The following SLC35F1 variants were observed in gnomAD, a reference collection of about 807,000 sequenced individuals.
SLC35F1 encodes the protein solute carrier family 35 member F1, also known as chromosome 6 open reading frame 169.
Under a neutral mutation model 48.7 loss-of-function variants are expected in SLC35F1, and 14 were observed. The observed-to-expected ratio is 0.29, with a 90% CI of 0.19 to 0.45. The LOEUF (loss-of-function observed/expected upper bound fraction) is 0.45, where lower values mean the gene tolerates loss of function less well. SLC35F1 is among the 20% of genes least tolerant of loss of function. The probability of loss-of-function intolerance (pLI) is 1.00; values close to 1 mark genes in which losing one functional copy is unlikely to be tolerated. For missense variants in SLC35F1, 404 were observed against 500.0 expected (o/e 0.81, Z 1.83); for synonymous variants, 190 against 202.2 (o/e 0.94, Z 0.51).
chr6:117,920,306 C>T (rs1303494757), intron 1 of SLC35F1, among the ~76,000 whole-genome samples: 3 of 152,132 alleles, frequency 2.0e-5, no homozygotes, highest in Non-Finnish European at 4.4e-5. Context: ...GAGGACCGGA[C>T]GGGGGCGAGT....
At chr6:117,932,693 T>C (rs1041722112) in intron 1 of SLC35F1, among the ~76,000 whole-genome samples, 2 of 152,198 alleles carry the variant, frequency 1.3e-5, no homozygotes, top group Non-Finnish European at 2.9e-5. Context: ...AAGGATGATA[T>C]GAAGTTTTCA....
At chr6:118,139,500 A>G (rs1268686052) in intron 1 of SLC35F1, among the ~76,000 whole-genome samples, 1 of 152,174 alleles carries the variant, frequency 6.6e-6, no homozygotes, top group Non-Finnish European at 1.5e-5. Flanking sequence ...CAGAACTGGG[A>G]TACAATCTGT....
chr6:118,090,637 A>G (rs1773059557), intron 1 of SLC35F1, among the ~76,000 whole-genome samples: 2 of 152,128 alleles, frequency 1.3e-5, no homozygotes, highest in Non-Finnish European at 2.9e-5. Flanking sequence ...AAGCCTGGTG[A>G]GGGAGGAGAG....
chr6:118,078,357 C>G (rs1190855604), intron 1 of SLC35F1, among the ~76,000 whole-genome samples: 1 of 151,990 alleles, frequency 6.6e-6, no homozygotes, highest in Non-Finnish European at 1.5e-5. Flanking sequence ...GGCAAATTTA[C>G]CTGTTCTGTT....
chr6:118,040,591 C>A (rs1377494124), intron 1 of SLC35F1, among the ~76,000 whole-genome samples: 2 of 152,004 alleles, frequency 1.3e-5, no homozygotes, highest in Non-Finnish European at 2.9e-5. Context: ...ACAGTGTTTC[C>A]ATAGTCAAAT....
chr6:117,933,002 C>T (rs1005973015), intron 1 of SLC35F1, among the ~76,000 whole-genome samples: 1 of 152,182 alleles, frequency 6.6e-6, no homozygotes, highest in African/African-American at 2.4e-5. Context: ...TAAGGATAAG[C>T]TCACAACTTG....
rs1554219354 is a variant in SLC35F1 at position 117,966,136 on chromosome 6, C to CG, written c.173+58237_173+58238insG. 1.9e-4 allele frequency among the ~76,000 whole-genome samples: 27 copies of CG among 141,042 alleles called. 2 individuals carry two copies. The highest frequency in any genetic ancestry group is 6.3e-4 in the African/African-American group (24 of 37,800). The allele number at this position is 141,042 out of a possible 152,430, so 92.5% of individuals were successfully genotyped here. ...GGGAATAAAAGCAGGCCACCGCCCC[C>CG]CCCCCCACTCCCGCCCCGCCCCAAG... On this transcript the variant is annotated intron_variant, in intron 1 of 7. Coordinates refer to ENST00000360388, the MANE Select transcript of SLC35F1 (RefSeq NM_001029858.4).
At chr6:118,290,323 T>C (rs1776105317) in intron 7 of SLC35F1, among the ~76,000 whole-genome samples, 1 of 152,084 alleles carries the variant, frequency 6.6e-6, no homozygotes, top group Non-Finnish European at 1.5e-5. Context: ...ACAAGAGCCC[T>C]GCACAGAAGC....
chr6:117,999,190 C>T, intron 1 of SLC35F1: 1 of 1,595,292 alleles, frequency 6.3e-7, no homozygotes. Flanking sequence ...CCGAGGCTAT[C>T]AAGGCCCTCG....
At chr6:118,243,139 A>T (rs1161367159) in intron 3 of SLC35F1, among the ~76,000 whole-genome samples, 1 of 152,204 alleles carries the variant, frequency 6.6e-6, no homozygotes, top group Non-Finnish European at 1.5e-5. Context: ...TGCCTGCAAC[A>T]GTTAGTCTCA....
intron 3 of SLC35F1, among the ~76,000 whole-genome samples, chr6:118,243,573 G>A (rs1775467817): frequency 6.6e-6 from 1 of 152,212 alleles, no homozygotes; most frequent in Non-Finnish European, 1.5e-5. Context: ...GATGATAAAA[G>A]TCTGCAACCA....
rs748707436 is a variant in SLC35F1 at position 118,314,743 on chromosome 6, C to T, written c.*491C>T. 6.3e-6 allele frequency: 1 copy of T among 158,426 alleles called. No homozygotes were observed. The highest frequency in any genetic ancestry group is 1.4e-5 in the Non-Finnish European group (1 of 71,028). The allele number at this position is 158,426 out of a possible 1,614,324, so 9.8% of individuals were successfully genotyped here. A position where few individuals can be genotyped will look rare whatever the true frequency, so the allele number is the denominator to read the frequency against. On this transcript the variant is annotated 3_prime_UTR_variant, in exon 8 of 8. Coordinates refer to ENST00000360388, the MANE Select transcript of SLC35F1 (RefSeq NM_001029858.4). ...TGATGCATGCCACAGGAGCTCCACC[C>T]CTGAGAAGTTTCCTTTTCCTAGGGA...
intron 1 of SLC35F1, among the ~76,000 whole-genome samples, chr6:117,925,755 A>G (rs1314521579): frequency 6.6e-6 from 1 of 151,962 alleles, no homozygotes; most frequent in Non-Finnish European, 1.5e-5. Flanking sequence ...TTTGCCCAAG[A>G]TGTAGTTCTG....
At chr6:118,122,321 G>A (rs1044420056) in intron 1 of SLC35F1, among the ~76,000 whole-genome samples, 1 of 151,986 alleles carries the variant, frequency 6.6e-6, no homozygotes, top group Non-Finnish European at 1.5e-5. Context: ...CTCAGCTGTG[G>A]TGAACCTGTG....
intron 2 of SLC35F1, among the ~76,000 whole-genome samples, chr6:118,175,488 A>G (rs1438338517): frequency 6.6e-6 from 1 of 152,182 alleles, no homozygotes; most frequent in African/African-American, 2.4e-5. Flanking sequence ...AAACTTTCTA[A>G]CCAATTTACC....
At chr6:118,051,933 C>A (rs1000323215) in intron 1 of SLC35F1, among the ~76,000 whole-genome samples, 3 of 152,054 alleles carry the variant, frequency 2.0e-5, no homozygotes, top group African/African-American at 7.2e-5. Flanking sequence ...GGCCTCAATA[C>A]CTTCCCTTAT....
At chr6:118,218,272 A>C (rs867116017) in intron 2 of SLC35F1, among the ~76,000 whole-genome samples, 3 of 152,300 alleles carry the variant, frequency 2.0e-5, no homozygotes, top group South Asian at 2.1e-4. Context: ...TTTCTTACTA[A>C]GGAATTAGTA....
chr6:118,042,865 G>A lies in SLC35F1; in HGVS notation c.174-111580G>A, dbSNP rs79159659. ...AAAAGGAGAGCTTTTGGAAGGGCTGGCTTGGGTGAATGATGTTCCCATTAA... is the reference window on the plus strand; with the variant it reads ...AAAAGGAGAGCTTTTGGAAGGGCTGACTTGGGTGAATGATGTTCCCATTAA... On this transcript the variant is annotated intron_variant, in intron 1 of 7. Transcript: ENST00000360388. 6.9e-3 allele frequency among the ~76,000 whole-genome samples: 1,046 copies of A among 152,276 alleles called. 13 individuals are homozygous for A. Among genetic ancestry groups the A allele is most frequent in the African/African-American group, 0.024 (1,003 of 41,568 alleles).
chr6:118,124,742 A>C (rs541005136), intron 1 of SLC35F1, among the ~76,000 whole-genome samples: 1 of 152,312 alleles, frequency 6.6e-6, no homozygotes, highest in East Asian at 1.9e-4. Context: ...GGTAGGACTC[A>C]AGTGCATATA....
Sources: gnomAD v4.1 joint callset for allele counts (sites outside exome capture counted in the v4.1 genomes callset) on GRCh38, gnomAD v4.1.1 for gene constraint, MANE v1.5 for transcripts, NCBI Gene and HGNC (gene_info 2026-07-23, HGNC 2026-07-21) for gene names.